EPHB4: variants seen among roughly 807,000 people sequenced by gnomAD.
The protein encoded by EPHB4 is ephrin type-B receptor 4.
EPHB4 carries 50 observed loss-of-function variants against 110.6 expected under a neutral mutation model. The ratio of observed to expected loss-of-function variants is 0.45; its 90% CI spans 0.36 to 0.57. The LOEUF is 0.57. EPHB4 is among the 20% of genes least tolerant of loss of function. The pLI, the probability that EPHB4 is intolerant of heterozygous loss-of-function variation, is 0.00. For missense variants in EPHB4, 1,128 were observed against 1,382.1 expected, an observed-to-expected ratio of 0.82 and a Z score of 2.91; for synonymous variants, 592 against 578.4, an observed-to-expected ratio of 1.02 and a Z score of -0.34.
chr7:100,823,562 A>T, intron 3 of EPHB4, 82 bp downstream of exon 3: 1 of 1,541,614 alleles, frequency 6.5e-7, no homozygotes, highest in Admixed American at 1.8e-5. Flanking sequence ...CCTCGCAACT[A>T]CATCGGCTGC....
In EPHB4 at chr7:100,822,946, C is replaced by A. The variant is rs1813272981; in HGVS notation, c.412-279G>T. On this transcript the variant is annotated intron_variant, in intron 3 of 16. Coordinates refer to ENST00000358173, the MANE Select transcript of EPHB4 (RefSeq NM_004444.5). The surrounding 1 kb of genome is among the most constrained non-coding windows in gnomAD (Gnocchi z 4.7). ...ACACTGACGCCATGCCAGGCCTTGA[C>A]CTCAGAGTCAAGGAGACAGCGATGA... Among the ~76,000 whole-genome samples the A allele has an allele frequency of 6.6e-6, 1 of 152,086 alleles. No individual in the cohort carries two copies. Among genetic ancestry groups the A allele is most frequent in the African/African-American group, 2.4e-5 (1 of 41,412 alleles).
chr7:100,805,349 T>C, intron 15 of EPHB4, 28 bp from the exon 16 acceptor site: 1 of 1,613,162 alleles, frequency 6.2e-7, no homozygotes, highest in Non-Finnish European at 8.5e-7. Flanking sequence ...GGAGGAATGC[T>C]GAGTACCAGG....
At chr7:100,816,553 C>T (rs1206539570) in intron 8 of EPHB4, among the ~76,000 whole-genome samples, 1 of 150,278 alleles carries the variant, frequency 6.7e-6, no homozygotes, top group Non-Finnish European at 1.5e-5. Context: ...AGACTGGTCT[C>T]GAACTCCTGA....
At position 100,817,242 on chromosome 7, in the gene EPHB4, G is replaced by A. The variant is rs750401010; in HGVS notation, c.1538C>T (p.Ala513Val). ...TTCCTGGCCGAAGGGCCCGTAGCCG[G>A]CCTCAGAGCGCGCCCGTACCTGCAC... The part of the protein sequence containing the change: ...YLVQVRARSE[A>V]GYGPFGQEHH... Residue 513 changes from alanine (A) to valine (V), a missense_variant, in exon 8 of 17, where the codon GCC becomes GTC. This residue lies in a region of EPHB4 where 728 missense variants were observed against 828.6 expected (regional missense o/e 0.88). Coordinates refer to ENST00000358173, the MANE Select transcript of EPHB4 (RefSeq NM_004444.5). 1 of 1,602,226 alleles carries A rather than the reference G, an allele frequency of 6.2e-7. No homozygotes were observed. The highest frequency in any genetic ancestry group is 1.3e-5 in the African/African-American group (1 of 74,096).
chr7:100,827,193 G>T lies in EPHB4; in HGVS notation c.-163C>A. The stretch of plus-strand genomic sequence containing the variant: ...AGCGTGCGGGGCACCGGGCGGCGGC[G>T]CCAAGTGTGGCCCCGCGTCTGTGCC... On this transcript the variant is annotated 5_prime_UTR_variant, in exon 1 of 17. Transcript: ENST00000358173. 1 of 528,846 alleles carries T rather than the reference G, an allele frequency of 1.9e-6. No individual in the cohort carries two copies. The highest frequency in any genetic ancestry group is 2.8e-6 in the Non-Finnish European group (1 of 353,212). 32.8% of individuals were successfully genotyped at this position (528,846 alleles called of 1,614,324 possible). A position where few individuals can be genotyped will look rare whatever the true frequency, so the allele number is the denominator to read the frequency against.
intron 1 of EPHB4, among the ~76,000 whole-genome samples, chr7:100,825,959 C>T (rs1199415000): frequency 2.0e-5 from 3 of 152,226 alleles, no homozygotes; most frequent in Non-Finnish European, 2.9e-5. Flanking sequence ...CAACCCCACA[C>T]CTAGCCTTTG....
intron 12 of EPHB4, among the ~76,000 whole-genome samples, chr7:100,811,705 C>T (rs939906781): frequency 6.6e-6 from 1 of 151,434 alleles, no homozygotes; most frequent in Non-Finnish European, 1.5e-5. Flanking sequence ...CCTGTCTCTA[C>T]AAAAAATTTT....
intron 7 of EPHB4, among the ~76,000 whole-genome samples, chr7:100,817,859 GTTTTTTT>G (rs33978512): frequency 2.1e-5 from 1 of 47,112 alleles, no homozygotes. Flanking sequence ...TATTTTTTGC[GTTTTTTT>G]TTTTTTTTTT....
chr7:100,816,824 C>T (rs533792202), intron 8 of EPHB4, among the ~76,000 whole-genome samples: 27 of 152,132 alleles, frequency 1.8e-4, no homozygotes, highest in Admixed American at 1.6e-3. Context: ...TGGCTCATGC[C>T]TGTAATCCCA....
In EPHB4 at chr7:100,822,120, T is replaced by C. The variant is rs1360036871; in HGVS notation, c.808+151A>G. ...GGCAAAGGTTGCAGTTGAGCAGAGA[T>C]TGTGCCACTGCACTCCAGCCTGGGT... On this transcript the variant is annotated intron_variant, in intron 4 of 16. Coordinates refer to ENST00000358173, the MANE Select transcript of EPHB4 (RefSeq NM_004444.5). The surrounding 1 kb of genome is among the most constrained non-coding windows in gnomAD (Gnocchi z 4.7). The C allele has an allele frequency of 1.3e-5, 15 of 1,143,356 alleles. No individual in the cohort carries two copies. The highest frequency in any genetic ancestry group is 1.7e-5 in the Non-Finnish European group (14 of 837,086). The allele number at this position is 1,143,356 out of a possible 1,614,324, so 70.8% of individuals were successfully genotyped here. A position where few individuals can be genotyped will look rare whatever the true frequency, so the allele number is the denominator to read the frequency against.
intron 8 of EPHB4, among the ~76,000 whole-genome samples, chr7:100,816,661 G>A (rs940750476): frequency 5.9e-5 from 9 of 151,916 alleles, no homozygotes; most frequent in Non-Finnish European, 1.3e-4. Context: ...GAGCAACTGC[G>A]CTCCAGCCTG....
chr7:100,820,176 C>T lies in EPHB4; in HGVS notation c.929G>A (p.Arg310Gln), dbSNP rs1434791576. 16 of 1,613,906 alleles carry T rather than the reference C, an allele frequency of 9.9e-6. No homozygotes were observed. Among genetic ancestry groups the T allele is most frequent in the Middle Eastern group, 1.6e-4 (1 of 6,084 alleles). Residue 310 changes from arginine (R) to glutamine (Q), a missense_variant, in exon 5 of 17, where the codon CGG (arginine) becomes CAG (glutamine). Coordinates refer to ENST00000358173, the MANE Select transcript of EPHB4 (RefSeq NM_004444.5). ...TGCACCCCGGGGGTCTGTGCGTGCC[C>T]GGAAGTACCCGACGCGGCACTGGCA... ...AVCQCRVGYF[R>Q]ARTDPRGAPC... is the part of the protein sequence containing the mutation.
intron 3 of EPHB4, among the ~76,000 whole-genome samples, chr7:100,823,013 T>A (rs1813276136): frequency 6.6e-6 from 1 of 152,214 alleles, no homozygotes; most frequent in Non-Finnish European, 1.5e-5. Context: ...AGGCCGGGCG[T>A]AGTGCCTCAT....
Position 100,803,266 on chromosome 7 carries a change from C to G in EPHB4, c.*195G>C. The G allele has an allele frequency of 1.6e-6, 1 of 611,916 alleles. No individual in the cohort carries two copies. The highest frequency in any genetic ancestry group is 2.5e-6 in the Non-Finnish European group (1 of 393,830). 37.9% of individuals were successfully genotyped at this position (611,916 alleles called of 1,614,324 possible). A position where few individuals can be genotyped will look rare whatever the true frequency, so the allele number is the denominator to read the frequency against. ...CCCTCACCCTTGGTCTGGAGTTCCCCGAGGTGGCTGGGGGGTGATTTTCCC... is the reference window on the plus strand; with the variant it reads ...CCCTCACCCTTGGTCTGGAGTTCCCGGAGGTGGCTGGGGGGTGATTTTCCC... On this transcript the variant is annotated 3_prime_UTR_variant, in exon 17 of 17. Coordinates refer to ENST00000358173, the MANE Select transcript of EPHB4 (RefSeq NM_004444.5).
In EPHB4 at chr7:100,823,834, C is replaced by G. The variant is rs61735971; in HGVS notation, c.221G>C (p.Arg74Pro). The stretch of plus-strand genomic sequence containing the variant: ...GCCCCGCCGTGGGACCCAACCTGTG[C>G]GAAGCCAGTGGGCCTGGCCCGGGGC... ...QRAPGQAHWL[R>P]TGWVPRRGAV... The change falls in exon 3 of 17, where the codon CGC (arginine) becomes CCC (proline). Residue 74 changes from arginine (R) to proline (P), a missense_variant. Around this residue, in one of 3 missense-constraint regions of EPHB4, gnomAD observed 728 missense variants for 828.6 expected, o/e 0.88. Coordinates refer to ENST00000358173, the MANE Select transcript of EPHB4 (RefSeq NM_004444.5). 6.2e-7 allele frequency: 1 copy of G among 1,613,146 alleles called. No homozygotes were observed. The highest frequency in any genetic ancestry group is 8.5e-7 in the Non-Finnish European group (1 of 1,179,858).
chr7:100,806,441 G>A lies in EPHB4; in HGVS notation c.2463C>T (p.Tyr821=), dbSNP rs754413533. 2.5e-6 allele frequency: 4 copies of A among 1,613,982 alleles called. 1 individual carries two copies. The highest frequency in any genetic ancestry group is 2.2e-5 in the South Asian group (2 of 91,064). ...WEVMSFGERP[Y]WDMSNQDVIN... ...TTACGTCCTGATTGCTCATGTCCCA[G>A]TACGGCCTCTCCCCAAATGACATCA... The change falls in exon 14 of 17, where the codon TAC becomes TAT. Residue 821 remains tyrosine, a synonymous_variant. Coordinates refer to ENST00000358173, the MANE Select transcript of EPHB4 (RefSeq NM_004444.5).
chr7:100,806,873 T>G (rs1173488134), intron 13 of EPHB4, among the ~76,000 whole-genome samples: 1 of 152,190 alleles, frequency 6.6e-6, no homozygotes, highest in Non-Finnish European at 1.5e-5. Flanking sequence ...TTTTCCCATG[T>G]TGGCCAGGCT....
chr7:100,803,212 TG>T lies in EPHB4; in HGVS notation c.*248del. 2.9e-6 allele frequency: 1 copy of T among 347,104 alleles called. No individual in the cohort carries two copies. Among genetic ancestry groups the T allele is most frequent in the Non-Finnish European group, 5.2e-6 (1 of 193,850 alleles). 21.5% of individuals were successfully genotyped at this position (347,104 alleles called of 1,614,324 possible). A position where few individuals can be genotyped will look rare whatever the true frequency, so the allele number is the denominator to read the frequency against. ...AGATGTTGGGCACTTCCTTTTCCTC[TG>T]GTCACACCCAGTCCTGAGGGAAAGG... On this transcript the variant is annotated 3_prime_UTR_variant, in exon 17 of 17. Coordinates refer to ENST00000358173, the MANE Select transcript of EPHB4 (RefSeq NM_004444.5).
intron 1 of EPHB4, chr7:100,825,416 C>A (rs940375767): frequency 2.4e-4 from 36 of 152,218 alleles, no homozygotes; most frequent in African/African-American, 8.2e-4. Context: ...TTTCCTGTCT[C>A]CAATTTACAC....
Sources: allele counts gnomAD v4.1 joint callset (sites outside exome capture counted in the v4.1 genomes callset), GRCh38; gene constraint gnomAD v4.1.1; regional missense constraint gnomAD v4.1.1; non-coding constraint Gnocchi (gnomAD v3.1); transcripts MANE v1.5; gene names NCBI Gene and HGNC (gene_info 2026-07-23, HGNC 2026-07-21).